The following PSMA7 variants were observed in gnomAD, a reference collection of about 807,000 sequenced individuals.
PSMA7 encodes the protein proteasome 20S subunit alpha 7.
Under a neutral mutation model 31.3 loss-of-function variants are expected in PSMA7, and 5 were observed. The ratio of observed to expected loss-of-function variants is 0.16; its 90% confidence interval spans 0.08 to 0.34. PSMA7 has a LOEUF of 0.34. PSMA7 is among the 10% of genes least tolerant of loss of function. The probability of loss-of-function intolerance (pLI) is 1.00; values close to 1 mark genes in which losing one functional copy is unlikely to be tolerated. For missense variants in PSMA7, 217 were observed against 327.5 expected, an observed-to-expected ratio of 0.66 and a Z score of 2.60; for synonymous variants, 155 against 121.9, an observed-to-expected ratio of 1.27 and a Z score of -1.79.
rs774195042 is a variant in PSMA7 at position 62,140,799 on chromosome 20, G to A, written c.223+19C>T. The A allele has an allele frequency of 6.2e-6, 10 of 1,613,346 alleles. No individual in the cohort carries two copies. The highest frequency in any genetic ancestry group is 1.6e-4 in the Middle Eastern group (1 of 6,084). On this transcript the variant is annotated intron_variant, in intron 2 of 6. Transcript: ENST00000370873. ...CTGAGACTCTAGAGAGTAAGACAGC[G>A]CTCCCCACCGACTCATACCTGCAAA... is the stretch of plus-strand genomic sequence containing the variant.
Position 62,139,216 on chromosome 20 carries a change from G to A in PSMA7, c.349-19C>T. 1 of 1,607,894 alleles carries A rather than the reference G, an allele frequency of 6.2e-7. No homozygotes were observed. Among genetic ancestry groups the A allele is most frequent in the Non-Finnish European group, 8.5e-7 (1 of 1,175,776 alleles). Reference sequence around the variant, plus strand: ...TATAACGCTAGCAAGAAAAGAAACAGGTCAGTGCCATCCAATTAAGAAACT... The same window carrying A: ...TATAACGCTAGCAAGAAAAGAAACAAGTCAGTGCCATCCAATTAAGAAACT... On this transcript the variant is annotated intron_variant, in intron 3 of 6. Transcript: ENST00000370873.
intron 3 of PSMA7, chr20:62,139,517 G>C (rs1476650154): frequency 2.9e-6 from 2 of 693,176 alleles, no homozygotes; most frequent in Admixed American, 2.8e-5. Flanking sequence ...TTTGTGACTG[G>C]TCACTCAGGA....
At chr20:62,139,380 A>C (rs2056913769) in intron 3 of PSMA7, 183 bp from the exon 4 acceptor site, 1 of 813,858 alleles carries the variant, frequency 1.2e-6, no homozygotes, top group South Asian at 1.9e-5. Flanking sequence ...TCACTCCTAG[A>C]AAAACTCACC....
At chr20:62,142,944 GGGGCCCCACGCGAGGCC>G (rs2056946345) in intron 1 of PSMA7, among the ~76,000 whole-genome samples, 1 of 150,308 alleles carries the variant, frequency 6.7e-6, no homozygotes, top group Admixed American at 6.6e-5. Context: ...CCCCGTGCCC[GGGGCCCCACGCGAGGCC>G]GGGCCCCAAG....
chr20:62,139,120 A>C lies in PSMA7; in HGVS notation c.426T>G (p.Pro142=). Residue 142 remains proline (P), a synonymous_variant, in exon 4 of 7, where the codon CCT becomes CCG. Coordinates refer to ENST00000370873, the MANE Select transcript of PSMA7 (RefSeq NM_002792.4). The part of the protein sequence containing the change: ...LIVGFDFDGT[P]RLYQTDPSGT... ...CCGAGGGGTCAGTCTGATAGAGCCT[A>C]GGAGTGCCATCAAAGTCGAAACCCA... 1 of 1,614,170 alleles carries C rather than the reference A, an allele frequency of 6.2e-7. No individual in the cohort carries two copies. The highest frequency in any genetic ancestry group is 8.5e-7 in the Non-Finnish European group (1 of 1,180,008).
chr20:62,139,628 G>A (rs1417528867), intron 3 of PSMA7, 153 bp downstream of exon 3: 4 of 1,276,964 alleles, frequency 3.1e-6, no homozygotes, highest in East Asian at 2.4e-5. Flanking sequence ...TGGTGAGCTA[G>A]GTCAAGTTAC....
In PSMA7 at chr20:62,143,209, G is replaced by C; in HGVS notation, c.95C>G (p.Ala32Gly). The change falls in exon 1 of 7, where the codon GCG becomes GGG. Residue 32 changes from alanine to glycine, a missense_variant and splice_region_variant. Transcript: ENST00000370873. ...AQEAVKKGST[A>G]VGVRGRDIVV... ...CCCGCGCAGGCCCCGCCGCCTCACCGCGGTCGAGCCCTTCTTGACGGCCTC... is the reference window on the plus strand; with the variant it reads ...CCCGCGCAGGCCCCGCCGCCTCACCCCGGTCGAGCCCTTCTTGACGGCCTC... 1 of 1,373,568 alleles carries C rather than the reference G, an allele frequency of 7.3e-7. No homozygotes were observed. Among genetic ancestry groups the C allele is most frequent in the Non-Finnish European group, 9.5e-7 (1 of 1,051,610 alleles). The allele number at this position is 1,373,568 out of a possible 1,614,324, so 85.1% of individuals were successfully genotyped here.
chr20:62,143,297 A>G lies in PSMA7; in HGVS notation c.7T>C (p.Tyr3His). Reference protein sequence around the residue: MSYDRAITVFSPD... With the variant: MSHDRAITVFSPD... ...GAGAAGACGGTGATGGCGCGGTCGTAGCTCATGCCGGCGGGCGGCGGCCGG... is the reference window on the plus strand; with the variant it reads ...GAGAAGACGGTGATGGCGCGGTCGTGGCTCATGCCGGCGGGCGGCGGCCGG... The change falls in exon 1 of 7, where the codon TAC becomes CAC. Residue 3 changes from tyrosine to histidine, a missense_variant. This residue lies in a region of PSMA7 where 76 missense variants were observed against 96.5 expected (regional missense o/e 0.79). Coordinates refer to ENST00000370873, the MANE Select transcript of PSMA7 (RefSeq NM_002792.4). 7.0e-7 allele frequency: 1 copy of G among 1,428,170 alleles called. No homozygotes were observed. The highest frequency in any genetic ancestry group is 9.3e-7 in the Non-Finnish European group (1 of 1,076,070). The allele number at this position is 1,428,170 out of a possible 1,614,324, so 88.5% of individuals were successfully genotyped here. A position where few individuals can be genotyped will look rare whatever the true frequency, so the allele number is the denominator to read the frequency against.
At chr20:62,138,780 A>G (rs1196531955) in intron 4 of PSMA7, among the ~76,000 whole-genome samples, 2 of 152,076 alleles carry the variant, frequency 1.3e-5, no homozygotes. Context: ...CTGGTCTCGA[A>G]CACCTGACCT....
At chr20:62,138,760 G>A (rs1016508187) in intron 4 of PSMA7, among the ~76,000 whole-genome samples, 1 of 152,078 alleles carries the variant, frequency 6.6e-6, no homozygotes, top group African/African-American at 2.4e-5. Context: ...GTTCTGCCAT[G>A]TTGGCCAGGC....
chr20:62,143,294 C>A lies in PSMA7; in HGVS notation c.10G>T (p.Asp4Tyr). 7.0e-7 allele frequency: 1 copy of A among 1,435,878 alleles called. No individual in the cohort carries two copies. The highest frequency in any genetic ancestry group is 1.2e-5 in the South Asian group (1 of 80,208). 88.9% of individuals were successfully genotyped at this position (1,435,878 alleles called of 1,614,324 possible). The change falls in exon 1 of 7, where the codon GAC (aspartate) becomes TAC (tyrosine). Residue 4 changes from aspartate (D) to tyrosine (Y), a missense_variant. This residue lies in a region of PSMA7 where 76 missense variants were observed against 96.5 expected (regional missense o/e 0.79). Transcript: ENST00000370873. ...GGCGAGAAGACGGTGATGGCGCGGT[C>A]GTAGCTCATGCCGGCGGGCGGCGGC... MSY[D>Y]RAITVFSPDG...
intron 2 of PSMA7, among the ~76,000 whole-genome samples, 159 bp from the exon 3 acceptor site, chr20:62,140,064 T>G (rs905402004): frequency 6.6e-6 from 1 of 152,176 alleles, no homozygotes; most frequent in Non-Finnish European, 1.5e-5. Flanking sequence ...CCCTGGGAAC[T>G]TCCAGGAAAT....
chr20:62,139,008 A>G, intron 4 of PSMA7, 67 bp downstream of exon 4: 1 of 1,581,942 alleles, frequency 6.3e-7, no homozygotes, highest in Non-Finnish European at 8.6e-7. Flanking sequence ...CAGGAAGCCC[A>G]GGACCTCCCA....
chr20:62,138,957 G>A (rs1195648967), intron 4 of PSMA7, 118 bp downstream of exon 4: 1 of 1,347,324 alleles, frequency 7.4e-7, no homozygotes, highest in Admixed American at 2.2e-5. Context: ...ATAGGACTAG[G>A]TTAACTTAAA....
chr20:62,138,004 A>G (rs1439556053), intron 5 of PSMA7, among the ~76,000 whole-genome samples, 167 bp downstream of exon 5: 3 of 152,220 alleles, frequency 2.0e-5, no homozygotes, highest in African/African-American at 7.2e-5. Context: ...ATTTCAAGGA[A>G]CACAGCAGTT....
Position 62,136,836 on chromosome 20 carries a change from C to T in PSMA7, c.*21G>A, listed in dbSNP as rs749297359. ...ATGATTGATATGAATTTAAAAATTA[C>T]AAGCAAAGACATTTTATTCATCATG... On this transcript the variant is annotated 3_prime_UTR_variant, in exon 7 of 7. Coordinates refer to ENST00000370873, the MANE Select transcript of PSMA7 (RefSeq NM_002792.4). 3.5e-5 allele frequency: 55 copies of T among 1,582,394 alleles called. 1 individual carries two copies. Among genetic ancestry groups the T allele is most frequent in the Non-Finnish European group, 4.4e-5 (52 of 1,169,868 alleles).
At chr20:62,138,149 T>A in intron 5 of PSMA7, 22 bp downstream of exon 5, 1 of 1,614,030 alleles carries the variant, frequency 6.2e-7, no homozygotes, top group Non-Finnish European at 8.5e-7. Flanking sequence ...CCACCTTGCC[T>A]GGATTCCAAA....
At chr20:62,138,689 G>T (rs1412337407) in intron 4 of PSMA7, among the ~76,000 whole-genome samples, 1 of 151,892 alleles carries the variant, frequency 6.6e-6, no homozygotes, top group Admixed American at 6.6e-5. Context: ...TGAGTAGCTG[G>T]GATTACAGGC....
chr20:62,139,137 C>T lies in PSMA7; in HGVS notation c.409G>A (p.Asp137Asn), dbSNP rs1215610166. Residue 137 changes from aspartate (D) to asparagine (N), a missense_variant, in exon 4 of 7, where the codon GAC becomes AAC. By Grantham distance (23) the Asp-to-Asn change is conservative (BLOSUM62 1). Coordinates refer to ENST00000370873, the MANE Select transcript of PSMA7 (RefSeq NM_002792.4). ...FGISALIVGF[D>N]FDGTPRLYQT... is the part of the protein sequence containing the mutation. The stretch of plus-strand genomic sequence containing the variant: ...TAGAGCCTAGGAGTGCCATCAAAGT[C>T]GAAACCCACGATGAGGGCAGAGATG... The T allele has an allele frequency of 6.2e-7, 1 of 1,614,168 alleles. No individual in the cohort carries two copies. The highest frequency in any genetic ancestry group is 1.7e-5 in the Admixed American group (1 of 60,038).
Sources: gnomAD v4.1 joint callset for allele counts (sites outside exome capture counted in the v4.1 genomes callset) on GRCh38, gnomAD v4.1.1 for gene constraint, gnomAD v4.1.1 regional missense constraint, MANE v1.5 for transcripts, NCBI Gene and HGNC (gene_info 2026-07-23, HGNC 2026-07-21) for gene names.